Variants in LRRK2 observed in about 807,000 individuals in gnomAD.
LRRK2 encodes the protein leucine-rich repeat serine/threonine-protein kinase 2.
A neutral mutation model predicts 302.6 loss-of-function variants in LRRK2; 203 were observed. That is an observed-to-expected ratio of 0.67 (90% confidence interval 0.60 to 0.75). LRRK2 has a LOEUF of 0.75. Among genes scored for constraint, LRRK2 ranks in the 30% least tolerant of loss-of-function variants. The pLI is 0.00. For missense variants in LRRK2, 2,830 were observed against 2,951.0 expected, an observed-to-expected ratio of 0.96 and a Z score of 0.95; for synonymous variants, 1,066 against 1,031.9, an observed-to-expected ratio of 1.03 and a Z score of -0.63.
chr12:40,225,341 A>T lies in LRRK2; in HGVS notation c.151+59A>T, dbSNP rs1459211241. On this transcript the variant is annotated intron_variant, in intron 1 of 50. Transcript: ENST00000298910. ...TTGCAAACTTTCTCCCCCTCCTTAC[A>T]TTTGCAAATTTTGTCCTCCTCCCCT... is the stretch of plus-strand genomic sequence containing the variant. 4 of 1,589,518 alleles carry T rather than the reference A, an allele frequency of 2.5e-6. No individual in the cohort carries two copies. In the East Asian group the frequency reaches 6.9e-5, roughly 27 times the overall value.
chr12:40,328,009 T>A (rs918706648), intron 38 of LRRK2, among the ~76,000 whole-genome samples: 30 of 152,098 alleles, frequency 2.0e-4, no homozygotes, highest in African/African-American at 7.0e-4. Flanking sequence ...GGCATACCAG[T>A]GAAATCACCA....
intron 6 of LRRK2, 89 bp from the exon 7 acceptor site, chr12:40,243,461 A>G (rs1592149881): frequency 1.4e-6 from 2 of 1,429,386 alleles, no homozygotes; most frequent in East Asian, 4.7e-5. Flanking sequence ...GCTGCCATCT[A>G]TTTACAGTCT....
intron 6 of LRRK2, 138 bp downstream of exon 6, chr12:40,240,755 T>A: frequency 2.2e-6 from 2 of 913,604 alleles, no homozygotes; most frequent in Non-Finnish European, 3.4e-6. Flanking sequence ...ATTCATTTAA[T>A]TAATTTACAT....
At chr12:40,227,080 G>A (rs970440284) in intron 2 of LRRK2, among the ~76,000 whole-genome samples, 7 of 152,260 alleles carry the variant, frequency 4.6e-5, no homozygotes, top group South Asian at 4.2e-4. Flanking sequence ...ATACTTGTCC[G>A]GAGTAGTTAT....
chr12:40,354,304 T>C lies in LRRK2; in HGVS notation c.6582T>C (p.Val2194=), dbSNP rs773085638. The change falls in exon 45 of 51, where the codon GTT becomes GTC. Residue 2194 remains valine, a synonymous_variant. Transcript: ENST00000298910. ...LNTEGYTSEE[V]ADSRILCLAL... Reference sequence around the variant, plus strand: ...ATATTTTCTTTTCTTAACAGGAAGTTGCTGATAGTAGAATATTGTGCTTAG... The same window carrying C: ...ATATTTTCTTTTCTTAACAGGAAGTCGCTGATAGTAGAATATTGTGCTTAG... The C allele has an allele frequency of 1.5e-5, 24 of 1,613,736 alleles. No individual in the cohort carries two copies. The highest frequency in any genetic ancestry group is 1.0e-4 in the Admixed American group (6 of 60,006).
chr12:40,275,117 G>C (rs1180508401), intron 16 of LRRK2, 124 bp downstream of exon 16: 1 of 1,089,708 alleles, frequency 9.2e-7, no homozygotes. Context: ...TTATCCTTTT[G>C]TAGTATTTTA....
chr12:40,269,635 A>G (rs1220895932), intron 14 of LRRK2, among the ~76,000 whole-genome samples: 1 of 152,196 alleles, frequency 6.6e-6, no homozygotes, highest in Non-Finnish European at 1.5e-5. Context: ...ATACCTATCA[A>G]TAGAGACTAA....
chr12:40,332,028 A>G lies in LRRK2; in HGVS notation c.5758-2939A>G, dbSNP rs183964996. On this transcript the variant is annotated intron_variant, in intron 39 of 50. Coordinates refer to ENST00000298910, the MANE Select transcript of LRRK2 (RefSeq NM_198578.4). ...GTATTTCAAAGGAATCAAATGGCCT[A>G]CATAATAACCCATTAAATAAATAGA... Among the ~76,000 whole-genome samples the G allele has an allele frequency of 1.1e-3, 166 of 152,356 alleles. 1 individual carries two copies. Among genetic ancestry groups the G allele is most frequent in the Admixed American group, 6.3e-3 (96 of 15,306 alleles).
At chr12:40,316,456 T>A (rs1945225486) in intron 33 of LRRK2, 1 of 485,740 alleles carries the variant, frequency 2.1e-6, no homozygotes, top group African/African-American at 2.1e-5. Context: ...TCATGGATAA[T>A]GTGATTTTAC....
rs548848124 is a variant in LRRK2, at chr12:40,253,140, CTA to C, written c.1288+126_1288+127del. On this transcript the variant is annotated intron_variant, in intron 11 of 50. Coordinates refer to ENST00000298910, the MANE Select transcript of LRRK2 (RefSeq NM_198578.4). ...AAGCTATATATTGTGAAAGATATCT[CTA>C]TGTGTAGAGATGTATTGACATATGG... 372 of 662,242 alleles carry C rather than the reference CTA, an allele frequency of 5.6e-4. 3 individuals are homozygous for C. The highest frequency in any genetic ancestry group is 4.9e-3 in the African/African-American group (270 of 55,170). 41.0% of individuals were successfully genotyped at this position (662,242 alleles called of 1,614,324 possible).
chr12:40,270,210 T>G (rs1440143857), intron 14 of LRRK2, among the ~76,000 whole-genome samples: 1 of 152,176 alleles, frequency 6.6e-6, no homozygotes, highest in Non-Finnish European at 1.5e-5. Flanking sequence ...CTATAGAAGA[T>G]GAGGAAATCA....
chr12:40,286,595 T>G (rs1433884879), intron 19 of LRRK2: 2 of 152,192 alleles, frequency 1.3e-5, no homozygotes, highest in African/African-American at 4.8e-5. Flanking sequence ...ATTTTCCTTT[T>G]TACAGTAGGA....
At chr12:40,365,330 A>G in intron 49 of LRRK2, 1 of 369,854 alleles carries the variant, frequency 2.7e-6, no homozygotes, top group Non-Finnish European at 4.9e-6. Context: ...AAAAATGGGA[A>G]ATACATGGTA....
chr12:40,309,568 GA>G (rs1944966266), intron 30 of LRRK2, among the ~76,000 whole-genome samples: 1 of 151,924 alleles, frequency 6.6e-6, no homozygotes, highest in South Asian at 2.1e-4. Context: ...CTATATTAAA[GA>G]AAAGCAATCT....
intron 31 of LRRK2, 123 bp downstream of exon 31, chr12:40,310,772 G>A (rs11175974): frequency 8.8e-4 from 817 of 928,668 alleles, no homozygotes; most frequent in South Asian, 1.2e-3. Flanking sequence ...GTTGCTGTTA[G>A]CATTATTAAA....
intron 2 of LRRK2, among the ~76,000 whole-genome samples, chr12:40,228,103 G>A (rs183846162): frequency 9.9e-5 from 15 of 152,230 alleles, no homozygotes; most frequent in African/African-American, 3.4e-4. Flanking sequence ...TATACCCAGC[G>A]ATGAGATTAC....
Position 40,263,734 on chromosome 12 carries a change from C to A in LRRK2, c.1544-55C>A. 3 of 1,246,928 alleles carry A rather than the reference C, an allele frequency of 2.4e-6. No individual in the cohort carries two copies. In the South Asian group the frequency reaches 3.7e-5, roughly 15 times the overall value. 77.2% of individuals were successfully genotyped at this position (1,246,928 alleles called of 1,614,324 possible). A position where few individuals can be genotyped will look rare whatever the true frequency, so the allele number is the denominator to read the frequency against. On this transcript the variant is annotated intron_variant, in intron 13 of 50. Coordinates refer to ENST00000298910, the MANE Select transcript of LRRK2 (RefSeq NM_198578.4). ...AATTTCTAGAAAGTAACAGTCTGTT[C>A]AACTCAAATGTTTATAAGAAAATTC...
At position 40,238,298 on chromosome 12, in the gene LRRK2, C is replaced by T. The variant is rs10878247; in HGVS notation, c.571+195C>T. On this transcript the variant is annotated intron_variant, in intron 5 of 50. Coordinates refer to ENST00000298910, the MANE Select transcript of LRRK2 (RefSeq NM_198578.4). Reference sequence around the variant, plus strand: ...TTGTTTTGGTGGGGTGAATTTCATTCGTGGGTTATAAATCATGCCCCTGGA... The same window carrying T: ...TTGTTTTGGTGGGGTGAATTTCATTTGTGGGTTATAAATCATGCCCCTGGA... Among the ~76,000 whole-genome samples the T allele has an allele frequency of 0.25, 37,859 of 151,974 alleles. 5,499 individuals are homozygous for T. Among genetic ancestry groups the T allele is most frequent in the Middle Eastern group, 0.36 (107 of 294 alleles).
intron 28 of LRRK2, among the ~76,000 whole-genome samples, chr12:40,307,784 T>TC (rs1406950688): frequency 3.9e-4 from 56 of 144,830 alleles, no homozygotes; most frequent in African/African-American, 1.1e-3. Flanking sequence ...TTCTTTTCTT[T>TC]TTTTTTTTTT....
Sources: gnomAD v4.1 joint callset for allele counts (sites outside exome capture counted in the v4.1 genomes callset) on GRCh38, gnomAD v4.1.1 for gene constraint, MANE v1.5 for transcripts, NCBI Gene and HGNC (gene_info 2026-07-23, HGNC 2026-07-21) for gene names.